CPE: variants seen among roughly 807,000 people sequenced by gnomAD.
CPE encodes the protein carbocypeptidase E.
In CPE, 17 loss-of-function variants were observed where a neutral mutation model predicts 53.5. The ratio of observed to expected loss-of-function variants is 0.32; its 90% CI spans 0.22 to 0.48. The LOEUF is 0.48. CPE is among the 20% of genes least tolerant of loss of function. The pLI, the probability that CPE is intolerant of heterozygous loss-of-function variation, is 0.99. For synonymous variants in CPE, 226 were observed against 228.8 expected, an observed-to-expected ratio of 0.99 and a Z score of 0.11; for missense variants, 524 against 614.7, an observed-to-expected ratio of 0.85 and a Z score of 1.56.
rs962553879 is a variant in CPE at position 165,498,339 on chromosome 4, C to T, written c.*729C>T. 1.3e-5 allele frequency: 2 copies of T among 152,124 alleles called. No individual in the cohort carries two copies. The highest frequency in any genetic ancestry group is 2.9e-5 in the Non-Finnish European group (2 of 68,022). 9.4% of individuals were successfully genotyped at this position (152,124 alleles called of 1,614,324 possible). ...AATCCCCAGTGCATGTATTTCAGTT[C>T]TCTAAGATTTTTGGTCTGGCATTGT... On this transcript the variant is annotated 3_prime_UTR_variant, in exon 9 of 9. Transcript: ENST00000402744.
In CPE at chr4:165,497,546, A is replaced by T; in HGVS notation, c.1367A>T (p.Lys456Ile). The change falls in exon 9 of 9, where the codon AAA becomes ATA. Residue 456 changes from lysine to isoleucine, a missense_variant. Lys to Ile is a moderately radical substitution (Grantham distance 102). Coordinates refer to ENST00000402744, the MANE Select transcript of CPE (RefSeq NM_001873.4). ...DFELESFSER[K>I]EEEKEELMEW... ...GAACTGGAGTCATTTTCTGAAAGGA[A>T]AGAAGAGGAGAAGGAAGAATTGATG... The T allele has an allele frequency of 6.3e-7, 1 of 1,579,022 alleles. No individual in the cohort carries two copies. The highest frequency in any genetic ancestry group is 8.6e-7 in the Non-Finnish European group (1 of 1,166,056).
At chr4:165,440,028 A>G (rs1731580600) in intron 1 of CPE, among the ~76,000 whole-genome samples, 1 of 152,192 alleles carries the variant, frequency 6.6e-6, no homozygotes, top group African/African-American at 2.4e-5. Flanking sequence ...GCATAGTGCA[A>G]TTATATTGTT....
At chr4:165,478,367 GT>G (rs1365826585) in intron 3 of CPE, among the ~76,000 whole-genome samples, 1 of 152,130 alleles carries the variant, frequency 6.6e-6, no homozygotes, top group Admixed American at 6.5e-5. Context: ...GGGAAATTTA[GT>G]TTAATTTATC....
At chr4:165,409,490 G>A (rs193138457) in intron 1 of CPE, among the ~76,000 whole-genome samples, 19 of 152,218 alleles carry the variant, frequency 1.2e-4, no homozygotes, top group African/African-American at 1.7e-4. Flanking sequence ...AGGCTGAGCC[G>A]CTGCACCCAT....
At chr4:165,380,626 G>A (rs10022413) in intron 1 of CPE, among the ~76,000 whole-genome samples, 81,841 of 151,956 alleles carry the variant, frequency 0.54, 22,362 homozygotes, top group East Asian at 0.63. Context: ...AAAATTCTCA[G>A]TGCAGGGCCA....
intron 3 of CPE, among the ~76,000 whole-genome samples, chr4:165,470,892 TCCAG>T (rs1732194075): frequency 6.6e-6 from 1 of 152,042 alleles, no homozygotes; most frequent in African/African-American, 2.4e-5. Context: ...AAAAACAGTA[TCCAG>T]CCAGGCTGGA....
chr4:165,472,996 C>T (rs966875554), intron 3 of CPE, among the ~76,000 whole-genome samples: 2 of 152,174 alleles, frequency 1.3e-5, no homozygotes, highest in Admixed American at 1.3e-4. Flanking sequence ...TTGACTCTTT[C>T]TAGCATCTAG....
chr4:165,405,746 G>C (rs377045827), intron 1 of CPE: 1 of 934,222 alleles, frequency 1.1e-6, no homozygotes, highest in South Asian at 1.3e-5. Context: ...CTGTCTGCAC[G>C]GATGTTTCTG....
chr4:165,395,629 A>G lies in CPE; in HGVS notation c.307+16101A>G, dbSNP rs187598311. 6.3e-3 allele frequency among the ~76,000 whole-genome samples: 964 copies of G among 152,316 alleles called. 12 individuals are homozygous for G. Among genetic ancestry groups the G allele is most frequent in the African/African-American group, 0.022 (895 of 41,580 alleles). ...CTTGCCTTCTGTTAAATATGTGTTC[A>G]GCTTAGAAATTAAATAGCACAGGAT... On this transcript the variant is annotated intron_variant, in intron 1 of 8. Coordinates refer to ENST00000402744, the MANE Select transcript of CPE (RefSeq NM_001873.4).
intron 6 of CPE, among the ~76,000 whole-genome samples, chr4:165,490,226 G>A (rs1222222876): frequency 6.6e-6 from 1 of 152,202 alleles, no homozygotes; most frequent in Middle Eastern, 3.2e-3. Flanking sequence ...TGTTTGCAGG[G>A]ACTAGAATTG....
intron 1 of CPE, among the ~76,000 whole-genome samples, chr4:165,424,830 G>A (rs1731289809): frequency 6.6e-6 from 1 of 151,570 alleles, no homozygotes; most frequent in Non-Finnish European, 1.5e-5. Context: ...CACCGCGCCC[G>A]GCCCATGTTT....
intron 6 of CPE, among the ~76,000 whole-genome samples, chr4:165,491,237 A>C (rs1381389057): frequency 6.6e-6 from 1 of 152,254 alleles, no homozygotes; most frequent in Middle Eastern, 3.2e-3. Flanking sequence ...ATACAGGCAA[A>C]TAATATGTTC....
At chr4:165,431,133 T>A (rs773428856) in intron 1 of CPE, among the ~76,000 whole-genome samples, 3 of 152,198 alleles carry the variant, frequency 2.0e-5, no homozygotes, top group African/African-American at 7.2e-5. Context: ...ACCTATAAGC[T>A]GCATTTTACT....
At chr4:165,394,101 G>T (rs1433435110) in intron 1 of CPE, among the ~76,000 whole-genome samples, 1 of 152,154 alleles carries the variant, frequency 6.6e-6, no homozygotes, top group Non-Finnish European at 1.5e-5. Context: ...TTAAGGGCTG[G>T]TGGCTCAAGA....
intron 1 of CPE, among the ~76,000 whole-genome samples, chr4:165,458,719 A>G (rs756523278): frequency 2.6e-5 from 4 of 152,178 alleles, no homozygotes; most frequent in Non-Finnish European, 5.9e-5. Context: ...TAGAAAGGCC[A>G]TTGAATAATT....
intron 1 of CPE, chr4:165,404,061 C>T: frequency 1.0e-6 from 1 of 961,918 alleles, no homozygotes; most frequent in South Asian, 1.3e-5. Context: ...GGCATGAGGC[C>T]TGCTCACTGA....
intron 3 of CPE, among the ~76,000 whole-genome samples, chr4:165,473,901 G>A (rs183836117): frequency 7.7e-4 from 117 of 152,374 alleles, no homozygotes; most frequent in African/African-American, 2.6e-3. Context: ...AGAGCAGAGA[G>A]CCCCTTCAGC....
At chr4:165,427,335 T>G (rs914712976) in intron 1 of CPE, among the ~76,000 whole-genome samples, 4 of 75,104 alleles carry the variant, frequency 5.3e-5, no homozygotes, top group African/African-American at 1.9e-4. Context: ...TACCTTTTTG[T>G]TTTTTTTTCC....
At chr4:165,387,039 C>T (rs1361954036) in intron 1 of CPE, among the ~76,000 whole-genome samples, 4 of 152,120 alleles carry the variant, frequency 2.6e-5, no homozygotes, top group Non-Finnish European at 5.9e-5. Flanking sequence ...CTGGAATTGC[C>T]GTGAGTCCGT....
Sources: gnomAD v4.1 joint callset for allele counts (sites outside exome capture counted in the v4.1 genomes callset) on GRCh38, gnomAD v4.1.1 for gene constraint, MANE v1.5 for transcripts, NCBI Gene and HGNC (gene_info 2026-07-23, HGNC 2026-07-21) for gene names.